CCDC146: variants seen among roughly 807,000 people sequenced by gnomAD.
CCDC146 encodes the protein coiled-coil domain containing 146.
A neutral mutation model predicts 119.3 loss-of-function variants in CCDC146; 92 were observed. The observed-to-expected ratio is 0.77, with a 90% CI of 0.65 to 0.92. The LOEUF (loss-of-function observed/expected upper bound fraction) is 0.92. Among genes scored for constraint, CCDC146 ranks in the 40% least tolerant of loss-of-function variants. The pLI, the probability that CCDC146 is intolerant of heterozygous loss-of-function variation, is 0.00. For synonymous variants in CCDC146, 372 were observed against 371.8 expected (o/e 1.00, Z -0.01); for missense variants, 1,000 against 1,103.0 (o/e 0.91, Z 1.32).
At position 77,250,856 on chromosome 7, in the gene CCDC146, A is replaced by C. The variant is rs148777997; in HGVS notation, c.450-3650A>C. On this transcript the variant is annotated intron_variant, in intron 4 of 18. Coordinates refer to ENST00000285871, the MANE Select transcript of CCDC146 (RefSeq NM_020879.3). ...TTTTTTTTTTTTTTCCAGTTTGGGT[A>C]GTGTCTAGTAAGATATCCTCAAGCT... 7.9e-3 allele frequency among the ~76,000 whole-genome samples: 1,015 copies of C among 128,792 alleles called. 17 individuals are homozygous for C. The highest frequency in any genetic ancestry group is 0.026 in the African/African-American group (910 of 35,270). 84.5% of individuals were successfully genotyped at this position (128,792 alleles called of 152,430 possible).
intron 1 of CCDC146, among the ~76,000 whole-genome samples, chr7:77,130,890 C>A (rs984689814): frequency 1.3e-5 from 2 of 149,322 alleles, no homozygotes; most frequent in African/African-American, 5.0e-5. Context: ...AGCCACCGCG[C>A]CCGGCCCTTT....
intron 9 of CCDC146, among the ~76,000 whole-genome samples, chr7:77,268,248 A>G (rs904329850): frequency 6.6e-6 from 1 of 152,206 alleles, no homozygotes; most frequent in African/African-American, 2.4e-5. Flanking sequence ...GGCTTGGACA[A>G]TGTTCATGTT....
At chr7:77,241,033 CACTCT>C (rs1792836026) in intron 3 of CCDC146, among the ~76,000 whole-genome samples, 2 of 74,380 alleles carry the variant, frequency 2.7e-5, no homozygotes, top group African/African-American at 9.4e-5. Context: ...GATGGAGTCT[CACTCT>C]GTCGCCCAGG....
chr7:77,132,553 CAAAAAA>C (rs58502705), intron 1 of CCDC146, among the ~76,000 whole-genome samples: 6 of 107,170 alleles, frequency 5.6e-5, no homozygotes, highest in African/African-American at 2.3e-4. Context: ...TCGATCTCTA[CAAAAAA>C]AAAAAAAAAA....
Position 77,196,439 on chromosome 7 carries a change from G to T in CCDC146, c.156+28615G>T. ...GTGATAATATTTGCCATTTAAGTTT[G>T]CAGAAAGACATGCATCAAACCACCA... On this transcript the variant is annotated intron_variant, in intron 2 of 18. Coordinates refer to ENST00000285871, the MANE Select transcript of CCDC146 (RefSeq NM_020879.3). The surrounding 1 kb of genome is among the most constrained non-coding windows in gnomAD (Gnocchi z 4.2). The T allele has an allele frequency of 6.2e-7, 1 of 1,614,158 alleles. No individual in the cohort carries two copies. Among genetic ancestry groups the T allele is most frequent in the Non-Finnish European group, 8.5e-7 (1 of 1,180,024 alleles).
chr7:77,278,719 GTTAT>G, intron 11 of CCDC146, 29 bp from the exon 12 acceptor site: 2 of 1,440,036 alleles, frequency 1.4e-6, no homozygotes, highest in Non-Finnish European at 1.9e-6. Context: ...TTCATATGTT[GTTAT>G]TTATTTCACA....
chr7:77,278,249 C>T (rs1793688373), intron 11 of CCDC146, among the ~76,000 whole-genome samples: 1 of 152,128 alleles, frequency 6.6e-6, no homozygotes, highest in Non-Finnish European at 1.5e-5. Context: ...CAAAAGTTGT[C>T]CAAACTTTTC....
intron 1 of CCDC146, among the ~76,000 whole-genome samples, chr7:77,132,472 T>G (rs1237791438): frequency 6.7e-6 from 1 of 150,228 alleles, no homozygotes; most frequent in Admixed American, 6.6e-5. Context: ...ATCCCAGCAA[T>G]TTGGGAAGCC....
At chr7:77,213,666 C>T (rs921136442) in intron 2 of CCDC146, among the ~76,000 whole-genome samples, 1 of 152,102 alleles carries the variant, frequency 6.6e-6, no homozygotes, top group Non-Finnish European at 1.5e-5. Context: ...TTGTTTCCAT[C>T]TTTATGTCCA....
At chr7:77,265,852 C>G (rs1470153181) in intron 9 of CCDC146, among the ~76,000 whole-genome samples, 1 of 152,194 alleles carries the variant, frequency 6.6e-6, no homozygotes, top group East Asian at 1.9e-4. Flanking sequence ...AGACATTTGC[C>G]AAGTCGAGAC....
Position 77,199,849 on chromosome 7 carries a change from A to G in CCDC146, c.156+32025A>G, listed in dbSNP as rs778845548. 463 of 1,552,438 alleles carry G rather than the reference A, an allele frequency of 3.0e-4. 1 individual carries two copies. The highest frequency in any genetic ancestry group is 3.8e-4 in the Non-Finnish European group (435 of 1,149,880). On this transcript the variant is annotated intron_variant, in intron 2 of 18. Transcript: ENST00000285871. ...TGCGCAGGGCTGGAGCTGCTTTAATAGCGGCAGCTGCCTGAGTCAGGCTTT... is the reference window on the plus strand; with the variant it reads ...TGCGCAGGGCTGGAGCTGCTTTAATGGCGGCAGCTGCCTGAGTCAGGCTTT...
chr7:77,131,185 T>C (rs1352459941), intron 1 of CCDC146, among the ~76,000 whole-genome samples: 2 of 151,968 alleles, frequency 1.3e-5, no homozygotes, highest in African/African-American at 4.8e-5. Flanking sequence ...AGTCAAATTG[T>C]CCATCTTAAA....
At chr7:77,143,530 T>C (rs985487587) in intron 1 of CCDC146, among the ~76,000 whole-genome samples, 9 of 152,070 alleles carry the variant, frequency 5.9e-5, no homozygotes, top group African/African-American at 1.9e-4. Flanking sequence ...GGTTTTCTTC[T>C]AGGGTTTTTA....
At position 77,294,845 on chromosome 7, in the gene CCDC146, T is replaced by TATAAAGCCAGTTGAAATCTGAATATGTGA; in HGVS notation, c.2849_*9dup. ...ATATGAGGCACATAAGGAAACCTGTTATAAAGCCAGTTGAAATCTGAATAT... is the reference window on the plus strand; with the variant it reads ...ATATGAGGCACATAAGGAAACCTGTTATAAAGCCAGTTGAAATCTGAATATGTGAATAAAGCCAGTTGAAATCTGAATAT... On this transcript the variant is annotated stop_gained and frameshift_variant, in exon 19 of 19. Transcript: ENST00000285871. LOFTEE classifies it high-confidence loss of function. The TATAAAGCCAGTTGAAATCTGAATATGTGA allele has an allele frequency of 6.2e-7, 1 of 1,613,916 alleles. No homozygotes were observed.
chr7:77,176,078 A>G (rs1791494973), intron 2 of CCDC146, among the ~76,000 whole-genome samples: 1 of 151,190 alleles, frequency 6.6e-6, no homozygotes, highest in South Asian at 2.1e-4. Flanking sequence ...AGGGTCCACT[A>G]TGAATCTGGT....
At chr7:77,240,556 A>G (rs1367235411) in intron 3 of CCDC146, among the ~76,000 whole-genome samples, 1 of 152,244 alleles carries the variant, frequency 6.6e-6, no homozygotes, top group Non-Finnish European at 1.5e-5. Flanking sequence ...TACCTAATAC[A>G]ATATAAATGC....
At chr7:77,130,297 A>G (rs10252458) in intron 1 of CCDC146, among the ~76,000 whole-genome samples, 5,667 of 152,094 alleles carry the variant, frequency 0.037, 390 homozygotes, top group African/African-American at 0.13. Flanking sequence ...AACGCATCCC[A>G]TGCAGATAAG....
chr7:77,137,834 C>T (rs1206789166), intron 1 of CCDC146, among the ~76,000 whole-genome samples: 6 of 151,568 alleles, frequency 4.0e-5, no homozygotes, highest in African/African-American at 9.7e-5. Context: ...TGACACTACC[C>T]GACTTCAATA....
chr7:77,181,653 T>C (rs187628171), intron 2 of CCDC146, among the ~76,000 whole-genome samples: 2 of 152,326 alleles, frequency 1.3e-5, no homozygotes, highest in African/African-American at 2.4e-5. Context: ...TTTTTTCTTG[T>C]ACATTCATAG....
Sources: gnomAD v4.1 joint callset for allele counts (sites outside exome capture counted in the v4.1 genomes callset) on GRCh38, gnomAD v4.1.1 for gene constraint, Gnocchi (gnomAD v3.1) non-coding constraint, MANE v1.5 for transcripts, NCBI Gene and HGNC (gene_info 2026-07-23, HGNC 2026-07-21) for gene names.